The following NUMB variants were observed in gnomAD, a reference collection of about 807,000 sequenced individuals.
The protein encoded by NUMB is NUMB endocytic adaptor protein.
In NUMB, 29 loss-of-function variants were observed where a neutral mutation model predicts 59.7. The ratio of observed to expected loss-of-function variants is 0.49; its 90% CI spans 0.36 to 0.66. NUMB has a LOEUF of 0.66. NUMB is among the 30% of genes least tolerant of loss of function. The pLI is 0.00. For missense variants in NUMB, 723 were observed against 822.0 expected (o/e 0.88, Z 1.47); for synonymous variants, 288 against 288.2 (o/e 1.00, Z 0.01).
At chr14:73,279,024 G>T (rs760679667) in intron 12 of NUMB, among the ~76,000 whole-genome samples, 2 of 152,020 alleles carry the variant, frequency 1.3e-5, no homozygotes, top group Non-Finnish European at 2.9e-5. Flanking sequence ...ACACCCAGCC[G>T]GAATCTGTAT....
chr14:73,358,970 C>T (rs568256703), intron 3 of NUMB, among the ~76,000 whole-genome samples: 1 of 152,260 alleles, frequency 6.6e-6, no homozygotes, highest in South Asian at 2.1e-4. Context: ...AAAGGAACCA[C>T]TGACAACTTC....
At chr14:73,343,745 A>G (rs1892760621) in intron 4 of NUMB, among the ~76,000 whole-genome samples, 2 of 73,736 alleles carry the variant, frequency 2.7e-5, no homozygotes, top group Non-Finnish European at 5.3e-5. Context: ...TTAATATTTT[A>G]TCAAGAGCTT....
chr14:73,355,843 C>A, intron 3 of NUMB, 77 bp from the exon 4 acceptor site: 2 of 1,122,524 alleles, frequency 1.8e-6, no homozygotes, highest in South Asian at 3.2e-5. Context: ...ACCATACTAA[C>A]CAAAAATCTG....
chr14:73,446,404 G>C (rs554078667), intron 1 of NUMB, among the ~76,000 whole-genome samples: 4 of 151,834 alleles, frequency 2.6e-5, no homozygotes, highest in African/African-American at 9.7e-5. Flanking sequence ...TCAGGAGTTC[G>C]AGACCAGCCT....
intron 2 of NUMB, among the ~76,000 whole-genome samples, chr14:73,396,328 GT>G (rs1339625611): frequency 1.2e-5 from 1 of 80,782 alleles, no homozygotes; most frequent in Admixed American, 1.8e-4. Context: ...AGGGGTGTGT[GT>G]GTGTGTGTGT....
At chr14:73,415,741 A>T (rs1897102682) in intron 1 of NUMB, among the ~76,000 whole-genome samples, 1 of 149,660 alleles carries the variant, frequency 6.7e-6, no homozygotes, top group African/African-American at 2.6e-5. Flanking sequence ...TGCTGGGATT[A>T]CAGGTGTGAG....
chr14:73,284,244 T>C lies in NUMB; in HGVS notation c.786A>G (p.Pro262=). The C allele has an allele frequency of 6.2e-7, 1 of 1,614,124 alleles. No homozygotes were observed. The highest frequency in any genetic ancestry group is 1.3e-5 in the African/African-American group (1 of 75,036). ...GCTGTTCAATTGGAGCATGCCGGCG[T>C]GGGATGGCATGAGGATTGTTCATCT... The part of the protein sequence containing the change: ...SLEMNNPHAI[P]RRHAPIEQLA... Residue 262 remains proline, a synonymous_variant, in exon 10 of 13, where the codon CCA becomes CCG. Transcript: ENST00000555238.
At chr14:73,360,510 A>G (rs1309851584) in intron 3 of NUMB, among the ~76,000 whole-genome samples, 2 of 151,014 alleles carry the variant, frequency 1.3e-5, no homozygotes, top group African/African-American at 2.4e-5. Context: ...GTGAGCTGAG[A>G]TCACACCATT....
At chr14:73,445,861 C>T (rs1303707641) in intron 1 of NUMB, among the ~76,000 whole-genome samples, 3 of 152,026 alleles carry the variant, frequency 2.0e-5, no homozygotes, top group Non-Finnish European at 4.4e-5. Context: ...AAACTCAGCC[C>T]CCAATGTGGG....
intron 6 of NUMB, among the ~76,000 whole-genome samples, chr14:73,299,556 TATATGTCATATATATGACATGAC>T (rs1394369854): frequency 7.7e-6 from 1 of 129,290 alleles, no homozygotes; most frequent in Non-Finnish European, 1.6e-5. Flanking sequence ...ATATGTATCA[TATATGTCATATATATGACATGAC>T]ATATGTCATG....
At chr14:73,383,986 C>T (rs1323613472) in intron 2 of NUMB, among the ~76,000 whole-genome samples, 1 of 151,958 alleles carries the variant, frequency 6.6e-6, no homozygotes, top group East Asian at 1.9e-4. Context: ...CACTGCACTC[C>T]AGCCTGGGCG....
Position 73,276,841 on chromosome 14 carries a change from A to G in NUMB, c.1693T>C (p.Tyr565His). 6.2e-7 allele frequency: 1 copy of G among 1,614,102 alleles called. No homozygotes were observed. Among genetic ancestry groups the G allele is most frequent in the Non-Finnish European group, 8.5e-7 (1 of 1,180,008 alleles). ...CTGGTGGTAGCACTGCTTGCCTCGT[A>G]GTGAGGGAATGTCTGCTGCCTGACC... is the stretch of plus-strand genomic sequence containing the variant. ...SLVRQQTFPHYEASSATTSPF... is the reference protein window; with the variant it reads ...SLVRQQTFPHHEASSATTSPF... The change falls in exon 13 of 13, where the codon TAC (tyrosine) becomes CAC (histidine). Residue 565 changes from tyrosine (Y) to histidine (H), a missense_variant. Physicochemically the swap from Tyr to His is moderately conservative, Grantham distance 83. This residue lies in a region of NUMB where 406 missense variants were observed against 385.4 expected (regional missense o/e 1.05). Coordinates refer to ENST00000555238, the MANE Select transcript of NUMB (RefSeq NM_001005743.2).
intron 1 of NUMB, among the ~76,000 whole-genome samples, chr14:73,449,225 G>C (rs184258621): frequency 6.6e-6 from 1 of 152,184 alleles, no homozygotes; most frequent in African/African-American, 2.4e-5. Context: ...GTATACGGGA[G>C]AATGTGTGCA....
At chr14:73,337,652 G>A (rs555851495) in intron 4 of NUMB, among the ~76,000 whole-genome samples, 4 of 152,132 alleles carry the variant, frequency 2.6e-5, no homozygotes, top group Non-Finnish European at 5.9e-5. Context: ...CCAGTGCAAT[G>A]AGGCAAGAAA....
At chr14:73,351,784 G>A (rs1398438733) in intron 4 of NUMB, among the ~76,000 whole-genome samples, 1 of 151,938 alleles carries the variant, frequency 6.6e-6, no homozygotes. Flanking sequence ...AGACCATCCT[G>A]GCTAACATGG....
chr14:73,398,552 A>C (rs1215502304), intron 2 of NUMB, among the ~76,000 whole-genome samples: 1 of 151,988 alleles, frequency 6.6e-6, no homozygotes, highest in East Asian at 1.9e-4. Context: ...TATTTTCAAA[A>C]ATATCTACAG....
intron 3 of NUMB, among the ~76,000 whole-genome samples, chr14:73,366,228 G>T (rs902443724): frequency 1.3e-5 from 2 of 151,796 alleles, no homozygotes; most frequent in African/African-American, 4.8e-5. Context: ...TCTTGTACAT[G>T]TGAGATCTAC....
intron 2 of NUMB, among the ~76,000 whole-genome samples, chr14:73,395,041 G>A (rs879927273): frequency 0.019 from 1,575 of 80,824 alleles, 18 homozygotes; most frequent in African/African-American, 0.049. Flanking sequence ...GTGTGTTTGT[G>A]TGTGTGTGTG....
intron 1 of NUMB, among the ~76,000 whole-genome samples, chr14:73,419,118 T>C (rs1183663138): frequency 6.6e-6 from 1 of 151,830 alleles, no homozygotes; most frequent in Non-Finnish European, 1.5e-5. Context: ...GTCAGGTTTA[T>C]AAAAAAAAGA....
Sources: gnomAD v4.1 joint callset for allele counts (sites outside exome capture counted in the v4.1 genomes callset) on GRCh38, gnomAD v4.1.1 for gene constraint, gnomAD v4.1.1 regional missense constraint, MANE v1.5 for transcripts, NCBI Gene and HGNC (gene_info 2026-07-23, HGNC 2026-07-21) for gene names.